B3GALT1: variants seen among roughly 807,000 people sequenced by gnomAD.
B3GALT1 encodes beta-1,3-galactosyltransferase 1.
A neutral mutation model predicts 23.2 loss-of-function variants in B3GALT1; 10 were observed. The ratio of observed to expected loss-of-function variants is 0.43; its 90% CI spans 0.27 to 0.73. The LOEUF (loss-of-function observed/expected upper bound fraction) is 0.73, where lower values mean the gene tolerates loss of function less well. B3GALT1 is among the 30% of genes least tolerant of loss of function. B3GALT1 has a pLI of 0.21. For synonymous variants in B3GALT1, 156 were observed against 141.5 expected, an observed-to-expected ratio of 1.10 and a Z score of -0.73; for missense variants, 299 against 405.4, an observed-to-expected ratio of 0.74 and a Z score of 2.25.
chr2:167,863,963 A>G (rs986227581), intron 4 of B3GALT1, among the ~76,000 whole-genome samples: 51 of 150,858 alleles, frequency 3.4e-4, no homozygotes, highest in Admixed American at 2.0e-4. Flanking sequence ...CAGTAGAAAT[A>G]GTGATTCTGT....
At position 167,422,259 on chromosome 2, in the gene B3GALT1, T is replaced by C. The variant is rs77966162; in HGVS notation, c.-510-67918T>C. 5.2e-3 allele frequency among the ~76,000 whole-genome samples: 713 copies of C among 138,026 alleles called. 6 individuals carry two copies. The highest frequency in any genetic ancestry group is 0.021 in the East Asian group (87 of 4,088). The allele number at this position is 138,026 out of a possible 152,430, so 90.6% of individuals were successfully genotyped here. A position where few individuals can be genotyped will look rare whatever the true frequency, so the allele number is the denominator to read the frequency against. ...CCGTCTCCCTCTCTCTGCCTCTGCC[T>C]CTCTCTGCTATATGAAGATATAAGA... is the stretch of plus-strand genomic sequence containing the variant. On this transcript the variant is annotated intron_variant, in intron 1 of 4. Coordinates refer to ENST00000392690, the MANE Select transcript of B3GALT1 (RefSeq NM_020981.4).
intron 1 of B3GALT1, among the ~76,000 whole-genome samples, chr2:167,314,961 T>C (rs572710200): frequency 6.6e-6 from 1 of 152,310 alleles, no homozygotes; most frequent in East Asian, 1.9e-4. Context: ...CTCAGCTCAA[T>C]GTGTCCATTA....
chr2:167,484,442 G>A lies in B3GALT1; in HGVS notation c.-510-5735G>A, dbSNP rs147125596. On this transcript the variant is annotated intron_variant, in intron 1 of 4. Coordinates refer to ENST00000392690, the MANE Select transcript of B3GALT1 (RefSeq NM_020981.4). The stretch of plus-strand genomic sequence containing the variant: ...ACAACTTGATTTTACACATTCTAGT[G>A]GGACAGAACTTACAGGCAGGCGTCA... Among the ~76,000 whole-genome samples, 1,103 of 152,310 alleles carry A rather than the reference G, an allele frequency of 7.2e-3. 9 individuals are homozygous for A. The highest frequency in any genetic ancestry group is 9.0e-3 in the Non-Finnish European group (611 of 68,034).
chr2:167,715,660 G>C, intron 3 of B3GALT1: 5 of 1,613,606 alleles, frequency 3.1e-6, no homozygotes, highest in Non-Finnish European at 4.2e-6. Context: ...AATTGGACCT[G>C]TTCAGCTTTT....
rs186646913 is a variant in B3GALT1 at position 167,554,909 on chromosome 2, T to A, written c.-410+64632T>A. ...ACCATAGAAAAGTTCATGAAACTCA[T>A]CATAAAACATGTTAATTAATCATAT... is the stretch of plus-strand genomic sequence containing the variant. On this transcript the variant is annotated intron_variant, in intron 2 of 4. Transcript: ENST00000392690. Among the ~76,000 whole-genome samples, 6 of 152,262 alleles carry A rather than the reference T, an allele frequency of 3.9e-5. No homozygotes were observed. In the East Asian group the frequency reaches 9.6e-4, roughly 24 times the overall value.
At chr2:167,620,605 C>G (rs967005817) in intron 2 of B3GALT1, among the ~76,000 whole-genome samples, 2 of 152,076 alleles carry the variant, frequency 1.3e-5, no homozygotes, top group Non-Finnish European at 2.9e-5. Flanking sequence ...GTGCCCAAAA[C>G]TTGTGGCACT....
intron 1 of B3GALT1, among the ~76,000 whole-genome samples, chr2:167,339,964 G>GAA (rs1027934506): frequency 2.6e-5 from 4 of 152,122 alleles, no homozygotes; most frequent in African/African-American, 9.7e-5. Context: ...TATTGGGCTG[G>GAA]AGAAACAAAA....
At chr2:167,746,012 T>C (rs1183923955) in intron 3 of B3GALT1, among the ~76,000 whole-genome samples, 1 of 152,192 alleles carries the variant, frequency 6.6e-6, no homozygotes, top group Non-Finnish European at 1.5e-5. Context: ...CAGATCTAAG[T>C]CTTCACCTTT....
intron 1 of B3GALT1, among the ~76,000 whole-genome samples, chr2:167,487,522 T>C (rs1010706130): frequency 1.3e-5 from 2 of 152,224 alleles, no homozygotes; most frequent in East Asian, 3.8e-4. Flanking sequence ...ATATGGTTCA[T>C]ATTTTATTTA....
chr2:167,454,001 A>G (rs148161441), intron 1 of B3GALT1, among the ~76,000 whole-genome samples: 12 of 152,284 alleles, frequency 7.9e-5, no homozygotes, highest in East Asian at 5.8e-4. Context: ...TTACAGTTCT[A>G]TTTATCCACA....
intron 3 of B3GALT1, among the ~76,000 whole-genome samples, chr2:167,778,485 G>A (rs1688199038): frequency 6.6e-6 from 1 of 152,052 alleles, no homozygotes; most frequent in Non-Finnish European, 1.5e-5. Context: ...CATAAACTAT[G>A]TAGAAATGCA....
intron 1 of B3GALT1, among the ~76,000 whole-genome samples, chr2:167,452,781 T>A (rs1477062019): frequency 1.3e-5 from 2 of 152,172 alleles, no homozygotes; most frequent in Admixed American, 6.5e-5. Flanking sequence ...CAGGAGGAAA[T>A]GATATACAAC....
chr2:167,699,254 T>C (rs1686836384), intron 3 of B3GALT1, among the ~76,000 whole-genome samples: 1 of 152,080 alleles, frequency 6.6e-6, no homozygotes, highest in Admixed American at 6.5e-5. Flanking sequence ...CAGTTAATAA[T>C]GACTCTTTAG....
intron 2 of B3GALT1, among the ~76,000 whole-genome samples, chr2:167,514,281 C>G (rs1194541463): frequency 4.6e-5 from 7 of 152,130 alleles, no homozygotes; most frequent in Admixed American, 4.6e-4. Flanking sequence ...GACATTTAAA[C>G]CACATTTTAA....
chr2:167,378,409 A>G (rs184633317), intron 1 of B3GALT1, among the ~76,000 whole-genome samples: 6 of 152,118 alleles, frequency 3.9e-5, no homozygotes, highest in African/African-American at 1.4e-4. Flanking sequence ...ACTCTCTCAA[A>G]TATATTTTCT....
chr2:167,559,485 G>T (rs932612726), intron 2 of B3GALT1, among the ~76,000 whole-genome samples: 1 of 152,178 alleles, frequency 6.6e-6, no homozygotes. Context: ...AGAGAAGAAG[G>T]CTTCAGACGA....
chr2:167,447,411 C>G (rs533899773), intron 1 of B3GALT1, among the ~76,000 whole-genome samples: 2 of 152,348 alleles, frequency 1.3e-5, no homozygotes, highest in Admixed American at 6.5e-5. Flanking sequence ...ACATTTAAGT[C>G]TGCAGAAGTT....
intron 1 of B3GALT1, among the ~76,000 whole-genome samples, chr2:167,337,736 G>A (rs1697082158): frequency 6.6e-6 from 1 of 152,142 alleles, no homozygotes; most frequent in South Asian, 2.1e-4. Flanking sequence ...TTACAGCCAT[G>A]TAAAACTAAT....
chr2:167,299,546 A>G (rs1029862200), intron 1 of B3GALT1, among the ~76,000 whole-genome samples: 2 of 152,192 alleles, frequency 1.3e-5, no homozygotes, highest in African/African-American at 4.8e-5. Context: ...TGAGTAATGC[A>G]TGTTGATTTC....
Sources: allele counts gnomAD v4.1 joint callset (sites outside exome capture counted in the v4.1 genomes callset), GRCh38; gene constraint gnomAD v4.1.1; transcripts MANE v1.5; gene names NCBI Gene and HGNC (gene_info 2026-07-23, HGNC 2026-07-21).